Variants in RSPO2 observed in about 807,000 individuals in gnomAD.
RSPO2 encodes R-spondin-2.
Under a neutral mutation model 30.9 loss-of-function variants are expected in RSPO2, and 14 were observed. That is an observed-to-expected ratio of 0.45 (90% CI 0.30 to 0.71). RSPO2 has a LOEUF of 0.71. Ranked by LOEUF, RSPO2 falls within the 30% of genes least tolerant of loss-of-function variation. The probability of loss-of-function intolerance (pLI) is 0.08; values close to 1 mark genes in which losing one functional copy is unlikely to be tolerated. For missense variants in RSPO2, 264 were observed against 301.9 expected, an observed-to-expected ratio of 0.87 and a Z score of 0.93; for synonymous variants, 107 against 96.4, an observed-to-expected ratio of 1.11 and a Z score of -0.64.
At chr8:108,081,300 A>G (rs1314881799) in intron 2 of RSPO2, among the ~76,000 whole-genome samples, 1 of 152,218 alleles carries the variant, frequency 6.6e-6, no homozygotes, top group Non-Finnish European at 1.5e-5. Context: ...TCAAAAAAAT[A>G]AGGTTCGGAA....
At position 108,055,934 on chromosome 8, in the gene RSPO2, T is replaced by C. The variant is rs28556723; in HGVS notation, c.94+26611A>G. 4.1e-3 allele frequency among the ~76,000 whole-genome samples: 627 copies of C among 152,280 alleles called. 5 individuals carry two copies. Among genetic ancestry groups the C allele is most frequent in the African/African-American group, 0.014 (597 of 41,552 alleles). On this transcript the variant is annotated intron_variant, in intron 2 of 5. Transcript: ENST00000276659. The stretch of plus-strand genomic sequence containing the variant: ...TCTCGTGGTTAAGAGCATGGCTGGG[T>C]CAGAATGCCTAGATAGAATTCTAGT...
chr8:107,928,432 C>A (rs1291118673), intron 5 of RSPO2, among the ~76,000 whole-genome samples: 1 of 152,130 alleles, frequency 6.6e-6, no homozygotes, highest in African/African-American at 2.4e-5. Context: ...CCAAAGTATT[C>A]CAGATTACAC....
intron 3 of RSPO2, among the ~76,000 whole-genome samples, chr8:107,972,955 C>T (rs1420337862): frequency 6.6e-6 from 1 of 152,130 alleles, no homozygotes; most frequent in Admixed American, 6.5e-5. Flanking sequence ...ATTTGAAACA[C>T]TTAAACTGAC....
In RSPO2 at chr8:108,062,250, T is replaced by G. The variant is rs574167677; in HGVS notation, c.94+20295A>C. ...CAAAAAAATCAATGAATCCAGGAAC[T>G]GGTTTTTTGAAAAGATCAACAAAAT... On this transcript the variant is annotated intron_variant, in intron 2 of 5. Coordinates refer to ENST00000276659, the MANE Select transcript of RSPO2 (RefSeq NM_178565.5). Among the ~76,000 whole-genome samples, 4 of 151,878 alleles carry G rather than the reference T, an allele frequency of 2.6e-5. No individual in the cohort carries two copies. In the South Asian group the frequency reaches 6.2e-4, roughly 24 times the overall value.
intron 3 of RSPO2, among the ~76,000 whole-genome samples, chr8:107,967,316 T>C (rs190556146): frequency 6.6e-6 from 1 of 152,332 alleles, no homozygotes; most frequent in Admixed American, 6.5e-5. Flanking sequence ...TCAAGTACTA[T>C]TTAACATTTC....
At chr8:108,033,190 C>T (rs74366432) in intron 2 of RSPO2, among the ~76,000 whole-genome samples, 7,020 of 152,106 alleles carry the variant, frequency 0.046, 232 homozygotes, top group South Asian at 0.14. Flanking sequence ...TGTAAGCCAC[C>T]GTGCCCAGTC....
chr8:107,936,472 GAATA>G (rs1240753854), intron 5 of RSPO2, among the ~76,000 whole-genome samples: 1 of 151,992 alleles, frequency 6.6e-6, no homozygotes, highest in Non-Finnish European at 1.5e-5. Context: ...TTTTTTCTTT[GAATA>G]AATACCCAGC....
At chr8:107,907,642 A>G (rs1421625241) in intron 5 of RSPO2, among the ~76,000 whole-genome samples, 1 of 152,092 alleles carries the variant, frequency 6.6e-6, no homozygotes, top group African/African-American at 2.4e-5. Context: ...CAACTGTCCA[A>G]AATAAATAAC....
chr8:107,912,758 A>G (rs1811863331), intron 5 of RSPO2, among the ~76,000 whole-genome samples: 1 of 152,170 alleles, frequency 6.6e-6, no homozygotes, highest in South Asian at 2.1e-4. Context: ...AAAAGATGAG[A>G]AAAGTACCTC....
intron 5 of RSPO2, among the ~76,000 whole-genome samples, chr8:107,916,060 AT>A (rs2130291288): frequency 6.7e-6 from 1 of 150,260 alleles, no homozygotes; most frequent in African/African-American, 2.5e-5. Context: ...TCTTCTGTCT[AT>A]TTATATGTGT....
chr8:107,943,098 T>A (rs1405676116), intron 5 of RSPO2, among the ~76,000 whole-genome samples: 1 of 152,176 alleles, frequency 6.6e-6, no homozygotes, highest in Non-Finnish European at 1.5e-5. Context: ...GGAGAGACAA[T>A]GAAAACAATG....
At chr8:107,959,608 CTATT>C (rs772991781) in intron 4 of RSPO2, among the ~76,000 whole-genome samples, 1 of 152,178 alleles carries the variant, frequency 6.6e-6, no homozygotes, top group Admixed American at 6.6e-5. Flanking sequence ...GCATAAGACT[CTATT>C]TATAATATGC....
At position 108,059,410 on chromosome 8, in the gene RSPO2, TA is replaced by T. The variant is rs1263726656; in HGVS notation, c.94+23134del. ...CAATTTTACACTGTTGGTGGGACTG[TA>T]AACTAGTTCAACCATTGTGGAAGTC... On this transcript the variant is annotated intron_variant, in intron 2 of 5. Coordinates refer to ENST00000276659, the MANE Select transcript of RSPO2 (RefSeq NM_178565.5). Among the ~76,000 whole-genome samples the T allele has an allele frequency of 1.4e-4, 21 of 151,746 alleles. No individual in the cohort carries two copies. The East Asian group carries it at 2.1e-3, about 15-fold the overall frequency.
chr8:108,078,093 C>A (rs1198623865), intron 2 of RSPO2, among the ~76,000 whole-genome samples: 1 of 152,180 alleles, frequency 6.6e-6, no homozygotes, highest in Non-Finnish European at 1.5e-5. Flanking sequence ...CTAGAAGTGT[C>A]ATTTCCAACT....
intron 2 of RSPO2, among the ~76,000 whole-genome samples, chr8:108,059,440 G>T (rs1418420484): frequency 2.6e-5 from 4 of 151,634 alleles, no homozygotes; most frequent in South Asian, 2.1e-4. Context: ...GGAAGTCAGT[G>T]TGGCGATTCC....
intron 2 of RSPO2, among the ~76,000 whole-genome samples, chr8:108,029,362 G>A (rs1411004951): frequency 6.6e-6 from 1 of 151,968 alleles, no homozygotes; most frequent in Non-Finnish European, 1.5e-5. Flanking sequence ...CAAGGATTAT[G>A]GATAGATGCT....
chr8:108,049,170 C>T (rs1811998242), intron 2 of RSPO2, among the ~76,000 whole-genome samples: 1 of 151,796 alleles, frequency 6.6e-6, no homozygotes, highest in Non-Finnish European at 1.5e-5. Context: ...ATGGGTGCAG[C>T]AAACCAACAT....
chr8:108,029,671 A>G (rs1195968091), intron 2 of RSPO2, among the ~76,000 whole-genome samples: 4 of 152,234 alleles, frequency 2.6e-5, no homozygotes, highest in Non-Finnish European at 5.9e-5. Context: ...TGATGACTCA[A>G]GGGAAATAAA....
At chr8:108,020,319 C>G (rs1005867003) in intron 2 of RSPO2, among the ~76,000 whole-genome samples, 1 of 152,206 alleles carries the variant, frequency 6.6e-6, no homozygotes. Flanking sequence ...CCAACGTACA[C>G]GCCTTTCATG....
Sources: gnomAD v4.1 joint callset for allele counts (sites outside exome capture counted in the v4.1 genomes callset) on GRCh38, gnomAD v4.1.1 for gene constraint, MANE v1.5 for transcripts, NCBI Gene and HGNC (gene_info 2026-07-23, HGNC 2026-07-21) for gene names.